The following TENM3 variants were observed in gnomAD, a reference collection of about 807,000 sequenced individuals.
The protein encoded by TENM3 is teneurin-3.
In TENM3, 63 loss-of-function variants were observed where a neutral mutation model predicts 255.1. That is an observed-to-expected ratio of 0.25 (90% CI 0.20 to 0.30). The LOEUF (loss-of-function observed/expected upper bound fraction) is 0.30. Ranked by LOEUF, TENM3 falls within the 10% of genes least tolerant of loss-of-function variation. The probability of loss-of-function intolerance (pLI) is 1.00; values close to 1 mark genes in which losing one functional copy is unlikely to be tolerated. For missense variants in TENM3, 2,929 were observed against 3,461.1 expected, an observed-to-expected ratio of 0.85 and a Z score of 3.86; for synonymous variants, 1,306 against 1,322.3, an observed-to-expected ratio of 0.99 and a Z score of 0.27.
chr4:181,625,261 A>G, the TENM3 span, among the ~76,000 whole-genome samples: 5 of 152,206 alleles, frequency 3.3e-5, no homozygotes, highest in African/African-American at 1.2e-4. Flanking sequence ...TTGAGAATGC[A>G]TAACCAGCCC....
Position 182,793,807 on chromosome 4 carries a change from C to T in TENM3, c.7135C>T (p.Pro2379Ser). ...AATCTGGAAAAGAATTGGGAAGGAC[C>T]CAGCTCCTTTTAACTTGTACATGTT... ...IEIWKRIGKD[P>S]APFNLYMFRN... Residue 2379 changes from proline to serine, a missense_variant, in exon 26 of 28, where the codon CCA becomes TCA. By Grantham distance (74) the Pro-to-Ser change is moderately conservative. Transcript: ENST00000511685. This position sits in a 1 kb window ranked among gnomAD's most constrained non-coding sequence, Gnocchi z 5.7. 3.1e-6 allele frequency: 5 copies of T among 1,613,870 alleles called. No homozygotes were observed. The highest frequency in any genetic ancestry group is 1.1e-5 in the South Asian group (1 of 91,074).
chr4:182,600,758 C>A (rs1230086105), intron 3 of TENM3, among the ~76,000 whole-genome samples, 166 bp from the exon 4 acceptor site: 1 of 151,872 alleles, frequency 6.6e-6, no homozygotes, highest in African/African-American at 2.4e-5. Flanking sequence ...TGTCACTGAA[C>A]ACCCACTTAA....
At chr4:182,637,392 G>C (rs1018252530) in intron 5 of TENM3, among the ~76,000 whole-genome samples, 15 of 152,154 alleles carry the variant, frequency 9.9e-5, no homozygotes, top group Non-Finnish European at 2.9e-5. Flanking sequence ...GTGGTGGCAA[G>C]CATCTGTAGT....
At chr4:182,123,065 C>G in the TENM3 span, among the ~76,000 whole-genome samples, 1 of 152,196 alleles carries the variant, frequency 6.6e-6, no homozygotes, top group African/African-American at 2.4e-5. Context: ...ATTTCCTCGT[C>G]TCTCTCAGCC....
the TENM3 span, among the ~76,000 whole-genome samples, chr4:182,028,234 T>C: frequency 6.6e-6 from 1 of 152,184 alleles, no homozygotes; most frequent in Non-Finnish European, 1.5e-5. Flanking sequence ...CCATTTCTTC[T>C]AGATGTTCCA....
At chr4:181,490,751 T>G in the TENM3 span, among the ~76,000 whole-genome samples, 4 of 152,170 alleles carry the variant, frequency 2.6e-5, no homozygotes, top group African/African-American at 4.8e-5. Context: ...CTTACATTAT[T>G]CCTACCAGTC....
At chr4:181,720,807 A>G in the TENM3 span, among the ~76,000 whole-genome samples, 1 of 152,230 alleles carries the variant, frequency 6.6e-6, no homozygotes, top group Non-Finnish European at 1.5e-5. Context: ...ATTTTTGAAA[A>G]AAAATGAGGT....
chr4:181,578,587 C>T, the TENM3 span, among the ~76,000 whole-genome samples: 2 of 152,148 alleles, frequency 1.3e-5, no homozygotes, highest in Non-Finnish European at 2.9e-5. Flanking sequence ...AGGGATGTCA[C>T]CTCCTGCAAG....
At chr4:181,965,594 T>A in the TENM3 span, among the ~76,000 whole-genome samples, 2 of 152,214 alleles carry the variant, frequency 1.3e-5, no homozygotes, top group Non-Finnish European at 2.9e-5. Flanking sequence ...TTACCCCCAA[T>A]AAGTACTTAA....
At chr4:181,559,115 CA>C in the TENM3 span, among the ~76,000 whole-genome samples, 27 of 151,948 alleles carry the variant, frequency 1.8e-4, no homozygotes, top group Non-Finnish European at 3.1e-4. Context: ...AAATGATATA[CA>C]ATTCCAGTGA....
At chr4:181,461,409 G>T in the TENM3 span, among the ~76,000 whole-genome samples, 2 of 151,918 alleles carry the variant, frequency 1.3e-5, no homozygotes, top group Non-Finnish European at 2.9e-5. Flanking sequence ...TGATGTGAGG[G>T]ATTATGATTT....
chr4:181,969,315 G>C, the TENM3 span, among the ~76,000 whole-genome samples: 3 of 152,154 alleles, frequency 2.0e-5, no homozygotes, highest in Admixed American at 6.6e-5. Flanking sequence ...AACCTTTAAA[G>C]ATGTTACAGT....
intron 5 of TENM3, among the ~76,000 whole-genome samples, chr4:182,644,623 C>T (rs1035854102): frequency 3.3e-5 from 5 of 152,074 alleles, no homozygotes; most frequent in African/African-American, 1.2e-4. Context: ...AAAAAAAATT[C>T]CTTCATAAAA....
intron 13 of TENM3, among the ~76,000 whole-genome samples, chr4:182,721,338 A>T (rs984079917): frequency 2.2e-4 from 33 of 152,310 alleles, no homozygotes; most frequent in South Asian, 4.1e-4. Flanking sequence ...ATTAAACTTA[A>T]ATAAATACTA....
intron 13 of TENM3, among the ~76,000 whole-genome samples, chr4:182,719,470 AGGATGGTCTCGAACTCCT>A (rs1561155196): frequency 6.6e-6 from 1 of 151,936 alleles, no homozygotes; most frequent in Non-Finnish European, 1.5e-5. Flanking sequence ...CATGTTGGCC[AGGATGGTCTCGAACTCCT>A]GACCTTGTGA....
intron 19 of TENM3, 97 bp downstream of exon 19, chr4:182,743,516 AC>A: frequency 7.2e-7 from 1 of 1,381,450 alleles, no homozygotes; most frequent in Non-Finnish European, 1.0e-6. Flanking sequence ...ATAGAAAAAT[AC>A]CATCCTAAGG....
At chr4:181,907,724 C>T in the TENM3 span, among the ~76,000 whole-genome samples, 2 of 152,270 alleles carry the variant, frequency 1.3e-5, no homozygotes, top group African/African-American at 4.8e-5. Flanking sequence ...GGGAGAATTA[C>T]TCCCATCTGG....
At chr4:182,496,938 C>A (rs527321150) in intron 3 of TENM3, among the ~76,000 whole-genome samples, 1 of 152,210 alleles carries the variant, frequency 6.6e-6, no homozygotes, top group African/African-American at 2.4e-5. Flanking sequence ...GTAGAATACA[C>A]CAGAATAACG....
chr4:182,070,273 G>A, the TENM3 span, among the ~76,000 whole-genome samples: 40 of 152,224 alleles, frequency 2.6e-4, no homozygotes, highest in East Asian at 3.5e-3. Context: ...GCATAGTTCC[G>A]CAGCCTCAGC....
Sources: allele counts gnomAD v4.1 joint callset (sites outside exome capture counted in the v4.1 genomes callset), GRCh38; gene constraint gnomAD v4.1.1; non-coding constraint Gnocchi (gnomAD v3.1); transcripts MANE v1.5; gene names NCBI Gene and HGNC (gene_info 2026-07-23, HGNC 2026-07-21).